The following PDZD2 variants were observed in gnomAD, a reference collection of about 807,000 sequenced individuals.
PDZD2 encodes PDZ domain containing 2, also known as PDZ domain-containing protein 2.
Under a neutral mutation model 220.7 loss-of-function variants are expected in PDZD2, and 90 were observed. That is an observed-to-expected ratio of 0.41 (90% CI 0.34 to 0.49). The LOEUF is 0.49. Ranked by LOEUF, PDZD2 falls within the 20% of genes least tolerant of loss-of-function variation. PDZD2 has a pLI of 0.28. For missense variants in PDZD2, 3,174 were observed against 3,608.5 expected, an observed-to-expected ratio of 0.88 and a Z score of 3.08; for synonymous variants, 1,375 against 1,450.5, an observed-to-expected ratio of 0.95 and a Z score of 1.18.
At chr5:31,869,532 C>G (rs1738571185) in intron 2 of PDZD2, among the ~76,000 whole-genome samples, 2 of 151,974 alleles carry the variant, frequency 1.3e-5, no homozygotes, top group Admixed American at 1.3e-4. Flanking sequence ...CCACTGCACT[C>G]CAGCCTGGGC....
chr5:31,780,756 C>T (rs897785558), intron 1 of PDZD2, among the ~76,000 whole-genome samples: 15 of 152,128 alleles, frequency 9.9e-5, no homozygotes, highest in Admixed American at 2.6e-4. Context: ...TCAGTGGTTC[C>T]GCGGTGTCCT....
chr5:32,031,025 A>G (rs1053674630), intron 6 of PDZD2, among the ~76,000 whole-genome samples: 1 of 152,080 alleles, frequency 6.6e-6, no homozygotes, highest in Non-Finnish European at 1.5e-5. Flanking sequence ...GCTGTCCCAG[A>G]TTATCCTTCC....
intron 1 of PDZD2, among the ~76,000 whole-genome samples, chr5:31,700,355 T>C (rs550240265): frequency 6.6e-6 from 1 of 151,982 alleles, no homozygotes; most frequent in African/African-American, 2.4e-5. Context: ...TGGCCAGCAG[T>C]TGGTGGAGGA....
intron 2 of PDZD2, among the ~76,000 whole-genome samples, chr5:31,809,155 C>T (rs1047710667): frequency 1.9e-4 from 29 of 152,094 alleles, no homozygotes; most frequent in African/African-American, 6.5e-4. Context: ...AAGAGTGTGG[C>T]GATGGCCATT....
chr5:32,074,732 G>T, intron 18 of PDZD2, 89 bp downstream of exon 18: 1 of 810,840 alleles, frequency 1.2e-6, no homozygotes. Flanking sequence ...TGGGTAAGCT[G>T]CCAGTGGGAA....
At chr5:31,963,718 G>A (rs1383863982) in intron 2 of PDZD2, among the ~76,000 whole-genome samples, 2 of 152,174 alleles carry the variant, frequency 1.3e-5, no homozygotes, top group Non-Finnish European at 2.9e-5. Flanking sequence ...CTGATGGACC[G>A]GGAAGCAAAA....
chr5:32,105,869 G>A (rs1458112147), intron 24 of PDZD2, among the ~76,000 whole-genome samples: 1 of 152,026 alleles, frequency 6.6e-6, no homozygotes, highest in South Asian at 2.1e-4. Flanking sequence ...TGGTTTAAAC[G>A]AGAGAATTTA....
chr5:31,737,167 C>CTCTTT (rs1749913699), intron 1 of PDZD2, among the ~76,000 whole-genome samples: 1 of 66,322 alleles, frequency 1.5e-5, no homozygotes, highest in South Asian at 7.6e-4. Context: ...CAGTCTACTT[C>CTCTTT]TTTTTTTTTT....
chr5:32,106,119 C>G (rs1172935229), intron 24 of PDZD2: 1 of 152,446 alleles, frequency 6.6e-6, no homozygotes, highest in Non-Finnish European at 1.5e-5. Context: ...AATTATACAA[C>G]TCACCATCAC....
At chr5:32,008,653 G>A (rs904777632) in intron 5 of PDZD2, among the ~76,000 whole-genome samples, 7 of 152,160 alleles carry the variant, frequency 4.6e-5, no homozygotes, top group African/African-American at 1.4e-4. Flanking sequence ...GGAGATCATG[G>A]ATATGTGAGC....
intron 10 of PDZD2, 28 bp from the exon 11 acceptor site, chr5:32,057,627 T>C: frequency 7.7e-7 from 1 of 1,304,640 alleles, no homozygotes; most frequent in Non-Finnish European, 1.1e-6. Context: ...AGGCTAATGT[T>C]AATGTAATTC....
intron 19 of PDZD2, among the ~76,000 whole-genome samples, chr5:32,085,513 C>G (rs1278318719): frequency 4.0e-5 from 6 of 149,436 alleles, no homozygotes; most frequent in African/African-American, 1.5e-4. Context: ...ATGGCATGAT[C>G]TTGGCTCACT....
intron 2 of PDZD2, among the ~76,000 whole-genome samples, chr5:31,873,506 A>G (rs1739013333): frequency 6.6e-6 from 1 of 151,772 alleles, no homozygotes. Context: ...CCAAATCTGC[A>G]GGGCCAGCTA....
chr5:31,830,034 C>T (rs1013785302), intron 2 of PDZD2, among the ~76,000 whole-genome samples: 4 of 152,078 alleles, frequency 2.6e-5, no homozygotes, highest in South Asian at 2.1e-4. Context: ...GGTGACAGAG[C>T]GAGACTCCAT....
intron 1 of PDZD2, among the ~76,000 whole-genome samples, chr5:31,683,617 T>C (rs1452544105): frequency 6.6e-6 from 1 of 152,168 alleles, no homozygotes; most frequent in Non-Finnish European, 1.5e-5. Flanking sequence ...GCCTGGGAGA[T>C]AGTTTGATAT....
intron 1 of PDZD2, among the ~76,000 whole-genome samples, chr5:31,652,688 A>G (rs1172823319): frequency 6.6e-6 from 1 of 152,198 alleles, no homozygotes; most frequent in East Asian, 1.9e-4. Flanking sequence ...TCCGGACCAG[A>G]GGGAGGAAAA....
chr5:31,986,404 C>T (rs1387689832), intron 3 of PDZD2, among the ~76,000 whole-genome samples: 1 of 152,154 alleles, frequency 6.6e-6, no homozygotes, highest in Non-Finnish European at 1.5e-5. Context: ...AATATTTTAG[C>T]ACCCTTTTCA....
chr5:31,996,814 G>A (rs889567197), intron 4 of PDZD2, among the ~76,000 whole-genome samples: 4 of 152,186 alleles, frequency 2.6e-5, no homozygotes, highest in African/African-American at 9.7e-5. Flanking sequence ...CCGGGAGATC[G>A]AAGCTGCAGT....
At chr5:31,866,587 A>G (rs1738252456) in intron 2 of PDZD2, among the ~76,000 whole-genome samples, 1 of 152,046 alleles carries the variant, frequency 6.6e-6, no homozygotes, top group South Asian at 2.1e-4. Context: ...TGTGCAAATT[A>G]TTTTTTAAAA....
Sources: allele counts gnomAD v4.1 joint callset (sites outside exome capture counted in the v4.1 genomes callset), GRCh38; gene constraint gnomAD v4.1.1; transcripts MANE v1.5; gene names NCBI Gene and HGNC (gene_info 2026-07-23, HGNC 2026-07-21).